The following SH3PXD2A variants were observed in gnomAD, a reference collection of about 807,000 sequenced individuals.
SH3PXD2A encodes SH3 and PX domains 2A.
In SH3PXD2A, 32 loss-of-function variants were observed where a neutral mutation model predicts 115.2. That is an observed-to-expected ratio of 0.28 (90% CI 0.21 to 0.37). The LOEUF (loss-of-function observed/expected upper bound fraction) is 0.37. Among genes scored for constraint, SH3PXD2A ranks in the 10% least tolerant of loss-of-function variants. The pLI is 1.00. For synonymous variants in SH3PXD2A, 610 were observed against 629.1 expected, an observed-to-expected ratio of 0.97 and a Z score of 0.45; for missense variants, 1,328 against 1,498.7, an observed-to-expected ratio of 0.89 and a Z score of 1.88.
intron 8 of SH3PXD2A, among the ~76,000 whole-genome samples, chr10:103,628,044 C>A (rs930431068): frequency 6.6e-6 from 1 of 152,194 alleles, no homozygotes; most frequent in African/African-American, 2.4e-5. Flanking sequence ...CACTGGAGGC[C>A]CCGTCACCAT....
intron 5 of SH3PXD2A, among the ~76,000 whole-genome samples, chr10:103,716,924 G>A (rs1202881916): frequency 2.0e-5 from 3 of 152,248 alleles, no homozygotes; most frequent in African/African-American, 7.2e-5. Context: ...GCCTGCTGCT[G>A]CTGTGCGCTT....
intron 3 of SH3PXD2A, among the ~76,000 whole-genome samples, chr10:103,757,957 C>T (rs1345940646): frequency 6.6e-6 from 1 of 152,208 alleles, no homozygotes; most frequent in Non-Finnish European, 1.5e-5. Context: ...CTGTGTCCTG[C>T]GGCAAAGCCA....
intron 1 of SH3PXD2A, among the ~76,000 whole-genome samples, chr10:103,824,852 G>A (rs1357849324): frequency 9.2e-5 from 14 of 152,162 alleles, no homozygotes; most frequent in Admixed American, 8.5e-4. Context: ...ACCCTGGCTG[G>A]AGTGCAGTGG....
intron 5 of SH3PXD2A, among the ~76,000 whole-genome samples, chr10:103,698,454 G>A (rs974254679): frequency 2.0e-4 from 31 of 152,202 alleles, no homozygotes; most frequent in African/African-American, 7.0e-4. Flanking sequence ...GCCTGTCTGC[G>A]GGGCCTACAG....
chr10:103,810,033 C>G (rs954978214), intron 1 of SH3PXD2A, among the ~76,000 whole-genome samples: 3 of 152,172 alleles, frequency 2.0e-5, no homozygotes, highest in Non-Finnish European at 2.9e-5. Context: ...GTGAGAGGGT[C>G]TGGAGGAAGC....
intron 5 of SH3PXD2A, among the ~76,000 whole-genome samples, chr10:103,694,097 GC>G (rs2037796087): frequency 6.6e-6 from 1 of 152,280 alleles, no homozygotes; most frequent in East Asian, 1.9e-4. Context: ...AGCCTCACAT[GC>G]CCCTAAAGGC....
chr10:103,650,600 T>C (rs1208485694), intron 8 of SH3PXD2A, among the ~76,000 whole-genome samples: 1 of 152,198 alleles, frequency 6.6e-6, no homozygotes, highest in Non-Finnish European at 1.5e-5. Flanking sequence ...TCCTTCAGCT[T>C]TGCCAGCCAC....
intron 3 of SH3PXD2A, chr10:103,736,872 G>A (rs2038386921): frequency 1.1e-6 from 1 of 883,440 alleles, no homozygotes; most frequent in Admixed American, 2.3e-5. Context: ...GTGTCAGTCA[G>A]TCTAGCCACA....
intron 4 of SH3PXD2A, among the ~76,000 whole-genome samples, chr10:103,734,801 G>A (rs2038361535): frequency 6.6e-6 from 1 of 152,132 alleles, no homozygotes. Context: ...TTTTTCATTT[G>A]CTTGTTTATT....
chr10:103,769,210 A>T (rs1589447858), intron 2 of SH3PXD2A, among the ~76,000 whole-genome samples: 1 of 150,180 alleles, frequency 6.7e-6, no homozygotes, highest in African/African-American at 2.5e-5. Context: ...ATTTCCATCC[A>T]TCCATCCGTT....
At chr10:103,728,001 G>T (rs189421193) in intron 4 of SH3PXD2A, among the ~76,000 whole-genome samples, 1 of 152,382 alleles carries the variant, frequency 6.6e-6, no homozygotes, top group African/African-American at 2.4e-5. Flanking sequence ...TGTGAGAAGA[G>T]CAGAGTAGGG....
intron 1 of SH3PXD2A, among the ~76,000 whole-genome samples, chr10:103,805,151 G>T (rs1430156913): frequency 6.6e-6 from 1 of 152,196 alleles, no homozygotes; most frequent in Non-Finnish European, 1.5e-5. Context: ...CATCCCACTA[G>T]CAATTAGGCT....
In SH3PXD2A at chr10:103,665,585, T is replaced by C. The variant is rs2037373448; in HGVS notation, c.472+3023A>G. 6.6e-6 allele frequency among the ~76,000 whole-genome samples: 1 copy of C among 152,148 alleles called. No individual in the cohort carries two copies. Among genetic ancestry groups the C allele is most frequent in the African/African-American group, 2.4e-5 (1 of 41,428 alleles). ...CCCGTTGCACAGGCAGGCTCCCAGCTCTTCCCTCTGGCAGCTGCCTCTTAG... is the reference window on the plus strand; with the variant it reads ...CCCGTTGCACAGGCAGGCTCCCAGCCCTTCCCTCTGGCAGCTGCCTCTTAG... On this transcript the variant is annotated intron_variant, in intron 7 of 14. Coordinates refer to ENST00000369774, the MANE Select transcript of SH3PXD2A (RefSeq NM_001394015.1). This position sits in a 1 kb window ranked among gnomAD's most constrained non-coding sequence, Gnocchi z 4.0.
In SH3PXD2A at chr10:103,746,849, T is replaced by C; in HGVS notation, c.230-11041A>G. The C allele has an allele frequency of 6.5e-6, 1 of 152,714 alleles. No individual in the cohort carries two copies. The highest frequency in any genetic ancestry group is 1.5e-5 in the Non-Finnish European group (1 of 68,296). The allele number at this position is 152,714 out of a possible 1,614,324, so 9.5% of individuals were successfully genotyped here. A position where few individuals can be genotyped will look rare whatever the true frequency, so the allele number is the denominator to read the frequency against. The stretch of plus-strand genomic sequence containing the variant: ...CCTGGAGCACTGTTCCTGCTGCCCT[T>C]TGCCCAGCCATTGCCTTGCATCCCT... On this transcript the variant is annotated intron_variant, in intron 3 of 14. Coordinates refer to ENST00000369774, the MANE Select transcript of SH3PXD2A (RefSeq NM_001394015.1). The surrounding 1 kb of genome is among the most constrained non-coding windows in gnomAD (Gnocchi z 4.4).
At chr10:103,791,379 G>A (rs1035866368) in intron 2 of SH3PXD2A, among the ~76,000 whole-genome samples, 15 of 152,184 alleles carry the variant, frequency 9.9e-5, no homozygotes, top group Admixed American at 1.3e-4. Flanking sequence ...CATCCAAAAT[G>A]AGGCTCACAG....
intron 2 of SH3PXD2A, among the ~76,000 whole-genome samples, chr10:103,794,518 G>A (rs1475173508): frequency 2.0e-5 from 3 of 152,186 alleles, no homozygotes; most frequent in Non-Finnish European, 4.4e-5. Context: ...TCCTCAGTGG[G>A]ACCAGGAAGG....
intron 2 of SH3PXD2A, among the ~76,000 whole-genome samples, chr10:103,782,601 C>T (rs756568130): frequency 1.3e-5 from 2 of 151,884 alleles, no homozygotes; most frequent in Admixed American, 1.3e-4. Flanking sequence ...TTCTAGGCAT[C>T]GGGAAAACAG....
At chr10:103,676,048 A>T (rs2037529087) in intron 6 of SH3PXD2A, among the ~76,000 whole-genome samples, 1 of 152,058 alleles carries the variant, frequency 6.6e-6, no homozygotes, top group African/African-American at 2.4e-5. Context: ...TCGGGGGAAA[A>T]AAAAAAGAAA....
chr10:103,744,443 G>A (rs1165272137), intron 3 of SH3PXD2A, among the ~76,000 whole-genome samples: 2 of 151,220 alleles, frequency 1.3e-5, no homozygotes, highest in Admixed American at 6.6e-5. Context: ...ATGAGCCACC[G>A]CACCTGGCCC....
Sources: allele counts gnomAD v4.1 joint callset (sites outside exome capture counted in the v4.1 genomes callset), GRCh38; gene constraint gnomAD v4.1.1; non-coding constraint Gnocchi (gnomAD v3.1); transcripts MANE v1.5; gene names NCBI Gene and HGNC (gene_info 2026-07-23, HGNC 2026-07-21).